Variants in CYBRD1 observed in about 807,000 individuals in gnomAD.
CYBRD1 encodes cytochrome b reductase 1, also known as plasma membrane ascorbate-dependent reductase CYBRD1.
CYBRD1 carries 14 observed loss-of-function variants against 21.9 expected under a neutral mutation model. The observed-to-expected ratio is 0.64, with a 90% CI of 0.42 to 1.00. CYBRD1 has a LOEUF of 1.00. Ranked by LOEUF, CYBRD1 falls within the 50% of genes least tolerant of loss-of-function variation. CYBRD1 has a pLI of 0.00. For missense variants in CYBRD1, 328 were observed against 352.5 expected, an observed-to-expected ratio of 0.93 and a Z score of 0.56; for synonymous variants, 146 against 136.5, an observed-to-expected ratio of 1.07 and a Z score of -0.48.
In CYBRD1 at chr2:171,558,100, T is replaced by TATA. The variant is rs1235073414; in HGVS notation, c.*3273_*3274insATA. On this transcript the variant is annotated 3_prime_UTR_variant, in exon 4 of 4. Transcript: ENST00000321348. ...TATGCATCTATTTTTTCTTGACTTC[T>TATA]TTTATATAGTAATAAAAGTTATTTT... The TATA allele has an allele frequency of 1.3e-5, 2 of 151,122 alleles. No homozygotes were observed. The highest frequency in any genetic ancestry group is 4.9e-5 in the African/African-American group (2 of 40,794). 9.4% of individuals were successfully genotyped at this position (151,122 alleles called of 1,614,324 possible). A position where few individuals can be genotyped will look rare whatever the true frequency, so the allele number is the denominator to read the frequency against.
At chr2:171,524,118 TC>T (rs1255873469) in intron 1 of CYBRD1, among the ~76,000 whole-genome samples, 7 of 152,202 alleles carry the variant, frequency 4.6e-5, no homozygotes, top group African/African-American at 1.7e-4. Flanking sequence ...GCCAGCATTC[TC>T]CCACTCTGGA....
intron 1 of CYBRD1, among the ~76,000 whole-genome samples, chr2:171,523,845 GTAGT>G (rs1353524815): frequency 2.6e-5 from 4 of 152,366 alleles, no homozygotes; most frequent in South Asian, 4.1e-4. Context: ...CCTTCAGAAA[GTAGT>G]TAGAGAAAGG....
chr2:171,540,492 A>T (rs1288559833), intron 1 of CYBRD1, among the ~76,000 whole-genome samples: 2 of 152,124 alleles, frequency 1.3e-5, no homozygotes, highest in African/African-American at 2.4e-5. Context: ...TCTTTTTGGC[A>T]TATACCCGAG....
At chr2:171,537,728 T>C (rs1278265066) in intron 1 of CYBRD1, among the ~76,000 whole-genome samples, 1 of 152,176 alleles carries the variant, frequency 6.6e-6, no homozygotes, top group Admixed American at 6.5e-5. Flanking sequence ...CAACTGCTTG[T>C]GAATCTATGA....
At chr2:171,531,599 G>T (rs955688438) in intron 1 of CYBRD1, among the ~76,000 whole-genome samples, 1 of 151,980 alleles carries the variant, frequency 6.6e-6, no homozygotes, top group Admixed American at 6.6e-5. Flanking sequence ...GTGAACCACC[G>T]CACCGTCCCA....
chr2:171,554,974 T>C lies in CYBRD1; in HGVS notation c.*147T>C. On this transcript the variant is annotated 3_prime_UTR_variant, in exon 4 of 4. Coordinates refer to ENST00000321348, the MANE Select transcript of CYBRD1 (RefSeq NM_024843.4). ...GATGGTTTCTTGAAATAATTTGTATTGATTGAGGCCTATGAACTGACCTGA... is the reference window on the plus strand; with the variant it reads ...GATGGTTTCTTGAAATAATTTGTATCGATTGAGGCCTATGAACTGACCTGA... The C allele has an allele frequency of 3.5e-6, 3 of 865,046 alleles. No individual in the cohort carries two copies. The highest frequency in any genetic ancestry group is 5.5e-6 in the Non-Finnish European group (3 of 546,924). 53.6% of individuals were successfully genotyped at this position (865,046 alleles called of 1,614,324 possible).
At chr2:171,523,382 C>G in intron 1 of CYBRD1, 1 of 262,816 alleles carries the variant, frequency 3.8e-6, no homozygotes, top group Non-Finnish European at 8.1e-6. Flanking sequence ...GAGTGTTAAA[C>G]TCAGTCGAGT....
At chr2:171,523,723 G>A (rs1165191030) in intron 1 of CYBRD1, among the ~76,000 whole-genome samples, 1 of 90,666 alleles carries the variant, frequency 1.1e-5, no homozygotes, top group Non-Finnish European at 2.1e-5. Context: ...TTGTCATTGT[G>A]TAGTGCCTCT....
chr2:171,527,170 G>A (rs1697397597), intron 1 of CYBRD1, among the ~76,000 whole-genome samples: 1 of 152,102 alleles, frequency 6.6e-6, no homozygotes, highest in South Asian at 2.1e-4. Flanking sequence ...ATCAATATTA[G>A]CGATACAAGG....
Position 171,522,761 on chromosome 2 carries a change from T to A in CYBRD1, c.193+23T>A. 6.2e-7 allele frequency: 1 copy of A among 1,610,138 alleles called. No homozygotes were observed. Among genetic ancestry groups the A allele is most frequent in the East Asian group, 2.2e-5 (1 of 44,748 alleles). On this transcript the variant is annotated intron_variant, in intron 1 of 3. Transcript: ENST00000321348. This position sits in a 1 kb window ranked among gnomAD's most constrained non-coding sequence, Gnocchi z 4.3. ...TCGGTACTGGCACCTCCTGGGGGGG[T>A]GCGGGGAGGAAAGCGGGGAGAACGG...
chr2:171,523,747 G>C (rs1697346639), intron 1 of CYBRD1, among the ~76,000 whole-genome samples: 1 of 152,310 alleles, frequency 6.6e-6, no homozygotes, highest in Admixed American at 6.5e-5. Flanking sequence ...TGTCCTGACT[G>C]CTTCCTTCGG....
intron 1 of CYBRD1, 27 bp from the exon 2 acceptor site, chr2:171,541,558 A>T (rs758454851): frequency 3.1e-6 from 5 of 1,607,460 alleles, no homozygotes; most frequent in Non-Finnish European, 4.3e-6. Context: ...AACAAAACAC[A>T]TTCTGTGTCC....
rs145848932 is a variant in CYBRD1, at chr2:171,540,187, G to C, written c.194-1398G>C. 5.7e-3 allele frequency among the ~76,000 whole-genome samples: 865 copies of C among 152,216 alleles called. 9 individuals carry two copies. Among genetic ancestry groups the C allele is most frequent in the African/African-American group, 0.02 (827 of 41,524 alleles). On this transcript the variant is annotated intron_variant, in intron 1 of 3. Coordinates refer to ENST00000321348, the MANE Select transcript of CYBRD1 (RefSeq NM_024843.4). Reference sequence around the variant, plus strand: ...TTGTAATTGCTGTATCCTTCCCCACGAAGGCAACTACTATCCTGACTTTTC... The same window carrying C: ...TTGTAATTGCTGTATCCTTCCCCACCAAGGCAACTACTATCCTGACTTTTC...
chr2:171,538,157 G>T (rs150241047), intron 1 of CYBRD1, among the ~76,000 whole-genome samples: 1 of 152,164 alleles, frequency 6.6e-6, no homozygotes, highest in African/African-American at 2.4e-5. Context: ...CAGCTACTCA[G>T]GAGGCTGAGG....
intron 2 of CYBRD1, among the ~76,000 whole-genome samples, chr2:171,545,745 A>C (rs552902052): frequency 6.6e-6 from 1 of 152,088 alleles, no homozygotes; most frequent in Admixed American, 6.5e-5. Context: ...TTTGTGGTAC[A>C]TATGATATTT....
chr2:171,546,144 T>C (rs1697710233), intron 2 of CYBRD1, among the ~76,000 whole-genome samples: 1 of 152,324 alleles, frequency 6.6e-6, no homozygotes, highest in Non-Finnish European at 1.5e-5. Context: ...TCTTCCTTGC[T>C]CAGATCCAGA....
At chr2:171,529,528 T>C (rs553756127) in intron 1 of CYBRD1, among the ~76,000 whole-genome samples, 2 of 82,082 alleles carry the variant, frequency 2.4e-5, no homozygotes, top group Non-Finnish European at 4.7e-5. Context: ...TGAAACTCTG[T>C]CTCAAAAAAA....
rs138959976 is a variant in CYBRD1 at position 171,538,378 on chromosome 2, C to T, written c.194-3207C>T. Among the ~76,000 whole-genome samples, 1,098 of 152,224 alleles carry T rather than the reference C, an allele frequency of 7.2e-3. 6 individuals carry two copies. The highest frequency in any genetic ancestry group is 0.011 in the Non-Finnish European group (782 of 68,010). On this transcript the variant is annotated intron_variant, in intron 1 of 3. Transcript: ENST00000321348. ...GGAGAACCAGCAAGACACATTAACG[C>T]CCTCAGAGAAGATGAAGTAGGGGTG...
At position 171,532,876 on chromosome 2, in the gene CYBRD1, T is replaced by C. The variant is rs563104243; in HGVS notation, c.194-8709T>C. On this transcript the variant is annotated intron_variant, in intron 1 of 3. Transcript: ENST00000321348. ...TTAGCTTGATTTAACCATTTCACGA[T>C]GTGTGTGTGTGTGTGTGTGTGTGTG... 1.6e-3 allele frequency among the ~76,000 whole-genome samples: 16 copies of C among 9,838 alleles called. No individual in the cohort carries two copies. In the East Asian group the frequency reaches 0.061, roughly 37 times the overall value. The allele number at this position is 9,838 out of a possible 152,430, so 6.5% of individuals were successfully genotyped here.
Sources: gnomAD v4.1 joint callset for allele counts (sites outside exome capture counted in the v4.1 genomes callset) on GRCh38, gnomAD v4.1.1 for gene constraint, Gnocchi (gnomAD v3.1) non-coding constraint, MANE v1.5 for transcripts, NCBI Gene and HGNC (gene_info 2026-07-23, HGNC 2026-07-21) for gene names.